The following KHDRBS2 variants were observed in gnomAD, a reference collection of about 807,000 sequenced individuals.
KHDRBS2 encodes the protein KH RNA binding domain containing, signal transduction associated 2, also known as KH domain-containing, RNA-binding, signal transduction-associated protein 2.
KHDRBS2 carries 26 observed loss-of-function variants against 44.3 expected under a neutral mutation model. The ratio of observed to expected loss-of-function variants is 0.59; its 90% CI spans 0.43 to 0.81. The LOEUF is 0.81. Ranked by LOEUF, KHDRBS2 falls within the 40% of genes least tolerant of loss-of-function variation. The pLI is 0.00. For missense variants in KHDRBS2, 476 were observed against 433.1 expected, an observed-to-expected ratio of 1.10 and a Z score of -0.88; for synonymous variants, 194 against 151.1, an observed-to-expected ratio of 1.28 and a Z score of -2.08.
the KHDRBS2 span, among the ~76,000 whole-genome samples, chr6:61,601,461 G>C: frequency 0.016 from 2,444 of 152,186 alleles, 25 homozygotes; most frequent in Non-Finnish European, 0.025. Flanking sequence ...ATACAGACTT[G>C]ACAGTGGTTC....
the KHDRBS2 span, among the ~76,000 whole-genome samples, chr6:61,642,034 C>T: frequency 1.3e-5 from 2 of 152,040 alleles, no homozygotes; most frequent in African/African-American, 4.8e-5. Flanking sequence ...CCTGAGATTC[C>T]CTTTCTAATT....
At chr6:61,761,060 C>T (rs1779197884) in intron 6 of KHDRBS2, among the ~76,000 whole-genome samples, 1 of 152,104 alleles carries the variant, frequency 6.6e-6, no homozygotes, top group Non-Finnish European at 1.5e-5. Context: ...GAATATCTTC[C>T]CCAGCTACAT....
intron 1 of KHDRBS2, among the ~76,000 whole-genome samples, chr6:62,203,622 C>T (rs757670807): frequency 1.3e-5 from 2 of 151,932 alleles, no homozygotes; most frequent in South Asian, 2.1e-4. Context: ...TTGAAGCATC[C>T]ATATGAGGTT....
At chr6:62,108,280 C>A (rs868853542) in intron 2 of KHDRBS2, among the ~76,000 whole-genome samples, 1 of 152,060 alleles carries the variant, frequency 6.6e-6, no homozygotes, top group African/African-American at 2.4e-5. Context: ...AAAAAGTGGG[C>A]GAAGGACATG....
At chr6:62,246,507 T>C (rs1390673322) in intron 1 of KHDRBS2, among the ~76,000 whole-genome samples, 5 of 152,038 alleles carry the variant, frequency 3.3e-5, no homozygotes, top group Admixed American at 6.6e-5. Context: ...TTCTTTGCAG[T>C]GTACAGCTCA....
Position 62,258,525 on chromosome 6 carries a change from T to A in KHDRBS2, c.91+27333A>T, listed in dbSNP as rs139292638. ...AAATGACAGTGATGCCAGACAATCA[T>A]ACATTGTCCACAAGTGTGGCTGACA... On this transcript the variant is annotated intron_variant, in intron 1 of 8. Coordinates refer to ENST00000281156, the MANE Select transcript of KHDRBS2 (RefSeq NM_152688.4). Among the ~76,000 whole-genome samples, 49 of 152,180 alleles carry A rather than the reference T, an allele frequency of 3.2e-4. No individual in the cohort carries two copies. In the East Asian group the frequency reaches 8.9e-3, roughly 28 times the overall value.
At chr6:62,048,381 C>CAT (rs1788216256) in intron 2 of KHDRBS2, among the ~76,000 whole-genome samples, 1 of 151,812 alleles carries the variant, frequency 6.6e-6, no homozygotes, top group East Asian at 1.9e-4. Context: ...ATGATTTTAA[C>CAT]GTAAGTCTAT....
intron 4 of KHDRBS2, among the ~76,000 whole-genome samples, chr6:61,919,819 CTCTG>C (rs1807707985): frequency 6.6e-6 from 1 of 151,860 alleles, no homozygotes; most frequent in South Asian, 2.1e-4. Context: ...AGAAGATCTG[CTCTG>C]TCTTTTTGGG....
intron 2 of KHDRBS2, among the ~76,000 whole-genome samples, chr6:62,135,788 G>A (rs946296837): frequency 6.6e-6 from 1 of 151,950 alleles, no homozygotes; most frequent in Non-Finnish European, 1.5e-5. Context: ...TGACCTAGAG[G>A]ATATTATGCT....
At chr6:61,699,059 C>G (rs1367288021) in intron 7 of KHDRBS2, among the ~76,000 whole-genome samples, 1 of 152,058 alleles carries the variant, frequency 6.6e-6, no homozygotes, top group Non-Finnish European at 1.5e-5. Context: ...AGAATATAAA[C>G]TTCTTGTTAT....
the KHDRBS2 span, among the ~76,000 whole-genome samples, chr6:61,565,733 T>C: frequency 6.6e-6 from 1 of 152,140 alleles, no homozygotes; most frequent in Non-Finnish European, 1.5e-5. Flanking sequence ...GAGACTATTG[T>C]ATAAAATGTT....
intron 7 of KHDRBS2, among the ~76,000 whole-genome samples, chr6:61,709,319 C>G (rs1415735125): frequency 1.3e-5 from 2 of 151,454 alleles, no homozygotes; most frequent in African/African-American, 4.8e-5. Flanking sequence ...TTCATGAGGA[C>G]AGTGACATAT....
chr6:61,933,251 C>T (rs753035434), intron 4 of KHDRBS2, among the ~76,000 whole-genome samples: 1 of 152,136 alleles, frequency 6.6e-6, no homozygotes, highest in Admixed American at 6.5e-5. Context: ...GTCAGGAGAA[C>T]AGTCAGGGGG....
the KHDRBS2 span, among the ~76,000 whole-genome samples, chr6:61,549,299 G>A: frequency 6.6e-6 from 1 of 152,058 alleles, no homozygotes; most frequent in Non-Finnish European, 1.5e-5. Context: ...CTGTGGTACT[G>A]TTTCAAACAC....
intron 2 of KHDRBS2, among the ~76,000 whole-genome samples, chr6:62,128,913 G>C (rs961333476): frequency 2.6e-5 from 4 of 152,040 alleles, no homozygotes; most frequent in Non-Finnish European, 4.4e-5. Flanking sequence ...TAATTACTTT[G>C]TTTTAGATAA....
intron 6 of KHDRBS2, among the ~76,000 whole-genome samples, chr6:61,882,656 A>G (rs796205636): frequency 9.2e-5 from 14 of 152,144 alleles, no homozygotes; most frequent in African/African-American, 3.1e-4. Flanking sequence ...CATCTACAGC[A>G]TCCCTAGTAA....
Position 62,211,086 on chromosome 6 carries a change from A to G in KHDRBS2, c.92-33774T>C, listed in dbSNP as rs374055425. ...AGTTTATGCCTTATAGTGGGATACA[A>G]TACACCAGAAAAAACAAGGCTACAC... On this transcript the variant is annotated intron_variant, in intron 1 of 8. Transcript: ENST00000281156. Among the ~76,000 whole-genome samples the G allele has an allele frequency of 4.7e-3, 712 of 152,290 alleles. 10 individuals carry two copies. The highest frequency in any genetic ancestry group is 0.016 in the African/African-American group (676 of 41,578).
At chr6:62,070,644 C>T (rs1794819541) in intron 2 of KHDRBS2, among the ~76,000 whole-genome samples, 1 of 152,126 alleles carries the variant, frequency 6.6e-6, no homozygotes, top group South Asian at 2.1e-4. Context: ...CCAGCTTCAT[C>T]CATGCCCCTA....
chr6:62,139,260 A>T (rs1223292327), intron 2 of KHDRBS2, among the ~76,000 whole-genome samples: 1 of 152,126 alleles, frequency 6.6e-6, no homozygotes, highest in Admixed American at 6.5e-5. Flanking sequence ...ATTTTAAAAA[A>T]TATTCATATG....
Sources: allele counts gnomAD v4.1 joint callset (sites outside exome capture counted in the v4.1 genomes callset), GRCh38; gene constraint gnomAD v4.1.1; transcripts MANE v1.5; gene names NCBI Gene and HGNC (gene_info 2026-07-23, HGNC 2026-07-21).